PFDN1: variants seen among roughly 807,000 people sequenced by gnomAD.
PFDN1 encodes the protein prefoldin 1.
In PFDN1, 6 loss-of-function variants were observed where a neutral mutation model predicts 17.3. The observed-to-expected ratio is 0.35, with a 90% CI of 0.19 to 0.69. The LOEUF is 0.69. Among genes scored for constraint, PFDN1 ranks in the 30% least tolerant of loss-of-function variants. PFDN1 has a pLI of 0.65. For synonymous variants in PFDN1, 58 were observed against 50.1 expected (o/e 1.16, Z -0.67); for missense variants, 113 against 146.2 (o/e 0.77, Z 1.17).
At chr5:140,263,797 A>G (rs1441199304) in intron 3 of PFDN1, among the ~76,000 whole-genome samples, 2 of 151,718 alleles carry the variant, frequency 1.3e-5, no homozygotes, top group African/African-American at 4.9e-5. Context: ...TGAGGTGGGC[A>G]GATCACGAGG....
intron 3 of PFDN1, among the ~76,000 whole-genome samples, chr5:140,279,358 G>A (rs1765354923): frequency 6.6e-6 from 1 of 152,094 alleles, no homozygotes; most frequent in Admixed American, 6.5e-5. Flanking sequence ...CTTCCTAAAA[G>A]ATAAAACATT....
intron 3 of PFDN1, among the ~76,000 whole-genome samples, chr5:140,280,076 C>T (rs1765377460): frequency 6.6e-6 from 1 of 151,028 alleles, no homozygotes; most frequent in Admixed American, 6.6e-5. Flanking sequence ...CCCTACGTCC[C>T]ATCTAATTTC....
Position 140,254,839 on chromosome 5 carries a change from A to G in PFDN1, c.286-8782T>C, listed in dbSNP as rs571115867. On this transcript the variant is annotated intron_variant, in intron 3 of 3. Coordinates refer to ENST00000261813, the MANE Select transcript of PFDN1 (RefSeq NM_002622.5). This position sits in a 1 kb window ranked among gnomAD's most constrained non-coding sequence, Gnocchi z 4.4. Reference sequence around the variant, plus strand: ...TCCATGGGCTTTTCCCTTCCTACCCAGCTTTGCTTATATAGTCCATCATTT... The same window carrying G: ...TCCATGGGCTTTTCCCTTCCTACCCGGCTTTGCTTATATAGTCCATCATTT... Among the ~76,000 whole-genome samples, 15 of 152,212 alleles carry G rather than the reference A, an allele frequency of 9.9e-5. No homozygotes were observed. In the South Asian group the frequency reaches 2.9e-3, roughly 29 times the overall value.
In PFDN1 at chr5:140,281,492, A is replaced by G; in HGVS notation, c.242T>C (p.Leu81Ser). 4.4e-6 allele frequency: 7 copies of G among 1,596,648 alleles called. No homozygotes were observed. The highest frequency in any genetic ancestry group is 1.7e-4 in the Middle Eastern group (1 of 6,026). Residue 81 changes from leucine to serine, a missense_variant, in exon 3 of 4, where the codon TTA (leucine) becomes TCA (serine). Physicochemically the swap from Leu to Ser is moderately radical, Grantham distance 145. Coordinates refer to ENST00000261813, the MANE Select transcript of PFDN1 (RefSeq NM_002622.5). The stretch of plus-strand genomic sequence containing the variant: ...TTCTTCTGCTATTTTCTGCTTCTCT[A>G]ACAGCTGACTGTGAATTGCTTCCTT... Reference protein sequence around the residue: ...QSKEAIHSQLLEKQKIAEEKI... With the variant: ...QSKEAIHSQLSEKQKIAEEKI...
intron 3 of PFDN1, among the ~76,000 whole-genome samples, chr5:140,276,895 T>C (rs1337683975): frequency 6.7e-6 from 1 of 149,494 alleles, no homozygotes; most frequent in Non-Finnish European, 1.5e-5. Context: ...AGAAATCATA[T>C]CTTTAAAGGC....
intron 3 of PFDN1, among the ~76,000 whole-genome samples, chr5:140,257,537 C>A (rs1350335945): frequency 6.6e-6 from 1 of 152,204 alleles, no homozygotes; most frequent in African/African-American, 2.4e-5. Flanking sequence ...GAAAGCCCTT[C>A]CCCAATTATT....
At chr5:140,258,302 T>G (rs1765016365) in intron 3 of PFDN1, among the ~76,000 whole-genome samples, 1 of 152,094 alleles carries the variant, frequency 6.6e-6, no homozygotes, top group Non-Finnish European at 1.5e-5. Flanking sequence ...GCCCAGGATA[T>G]TGATCCCTCA....
rs568349129 is a variant in PFDN1 at position 140,264,273 on chromosome 5, G to C, written c.285+17176C>G. On this transcript the variant is annotated intron_variant, in intron 3 of 3. Coordinates refer to ENST00000261813, the MANE Select transcript of PFDN1 (RefSeq NM_002622.5). Reference sequence around the variant, plus strand: ...ACCAGACCCCACCTCCAACACTGGGGATCACATTTCAACATGAGATTTGGA... The same window carrying C: ...ACCAGACCCCACCTCCAACACTGGGCATCACATTTCAACATGAGATTTGGA... Among the ~76,000 whole-genome samples, 7 of 152,042 alleles carry C rather than the reference G, an allele frequency of 4.6e-5. No individual in the cohort carries two copies. In the East Asian group the frequency reaches 1.2e-3, roughly 25 times the overall value.
At chr5:140,272,502 G>C (rs1011116593) in intron 3 of PFDN1, among the ~76,000 whole-genome samples, 3 of 151,522 alleles carry the variant, frequency 2.0e-5, no homozygotes, top group African/African-American at 7.3e-5. Flanking sequence ...TAGGATTACA[G>C]GCGCCCACCA....
intron 3 of PFDN1, among the ~76,000 whole-genome samples, chr5:140,271,487 A>G (rs995657153): frequency 7.2e-5 from 11 of 152,204 alleles, no homozygotes; most frequent in Non-Finnish European, 1.2e-4. Flanking sequence ...TTCTAAGATA[A>G]AAATTTTAAA....
chr5:140,257,296 G>GC (rs2126680436), intron 3 of PFDN1, among the ~76,000 whole-genome samples: 1 of 151,086 alleles, frequency 6.6e-6, no homozygotes, highest in Non-Finnish European at 1.5e-5. Context: ...TAACCAAGGT[G>GC]CTCAGGCTCC....
chr5:140,297,852 G>C (rs373079045), intron 2 of PFDN1, among the ~76,000 whole-genome samples: 1 of 152,148 alleles, frequency 6.6e-6, no homozygotes, highest in African/African-American at 2.4e-5. Flanking sequence ...AGCCCAAAGG[G>C]AGTAAAACGT....
chr5:140,278,842 G>A (rs982159511), intron 3 of PFDN1, among the ~76,000 whole-genome samples: 2 of 152,134 alleles, frequency 1.3e-5, no homozygotes, highest in African/African-American at 4.8e-5. Flanking sequence ...ACATGTGGGG[G>A]TGTGCTGAAG....
chr5:140,264,017 TCTC>T (rs1765101394), intron 3 of PFDN1, among the ~76,000 whole-genome samples: 1 of 35,030 alleles, frequency 2.9e-5, no homozygotes, highest in African/African-American at 1.1e-4. Flanking sequence ...TGAGACTCCA[TCTC>T]AAAAAAAAAA....
chr5:140,254,178 C>G lies in PFDN1; in HGVS notation c.286-8121G>C, dbSNP rs577615267. Among the ~76,000 whole-genome samples the G allele has an allele frequency of 6.6e-6, 1 of 152,156 alleles. No individual in the cohort carries two copies. The highest frequency in any genetic ancestry group is 6.5e-5 in the Admixed American group (1 of 15,280). Reference sequence around the variant, plus strand: ...AATGGGTGTGGTGCAGATGAATGGGCACGGCTATGTTTCGAAAGCACAGAA... The same window carrying G: ...AATGGGTGTGGTGCAGATGAATGGGGACGGCTATGTTTCGAAAGCACAGAA... On this transcript the variant is annotated intron_variant, in intron 3 of 3. Transcript: ENST00000261813. This position sits in a 1 kb window ranked among gnomAD's most constrained non-coding sequence, Gnocchi z 4.4.
intron 3 of PFDN1, among the ~76,000 whole-genome samples, chr5:140,249,790 T>C (rs1053776118): frequency 1.3e-4 from 20 of 152,122 alleles, no homozygotes; most frequent in Admixed American, 5.2e-4. Context: ...CAACAGCCAG[T>C]CAGTGAAGAA....
intron 3 of PFDN1, chr5:140,273,704 G>A (rs1765246918): frequency 6.5e-6 from 1 of 153,948 alleles, no homozygotes. Context: ...TATTTCAACA[G>A]CCCTGGGATT....
Position 140,254,536 on chromosome 5 carries a change from C to T in PFDN1, c.286-8479G>A, listed in dbSNP as rs151305619. On this transcript the variant is annotated intron_variant, in intron 3 of 3. Coordinates refer to ENST00000261813, the MANE Select transcript of PFDN1 (RefSeq NM_002622.5). This position sits in a 1 kb window ranked among gnomAD's most constrained non-coding sequence, Gnocchi z 4.4. ...ATCATCAGTGGCTCCCTGTCTCCCT[C>T]TCCACCACAGCTGTACCATTCAAGG... Among the ~76,000 whole-genome samples, 317 of 152,302 alleles carry T rather than the reference C, an allele frequency of 2.1e-3. No homozygotes were observed. The highest frequency in any genetic ancestry group is 7.1e-3 in the African/African-American group (293 of 41,552).
At chr5:140,250,502 T>C (rs1049646215) in intron 3 of PFDN1, among the ~76,000 whole-genome samples, 4 of 152,186 alleles carry the variant, frequency 2.6e-5, no homozygotes, top group Non-Finnish European at 5.9e-5. Flanking sequence ...CCTTGACTCT[T>C]CTCCAGAGCT....
Sources: allele counts gnomAD v4.1 joint callset (sites outside exome capture counted in the v4.1 genomes callset), GRCh38; gene constraint gnomAD v4.1.1; non-coding constraint Gnocchi (gnomAD v3.1); transcripts MANE v1.5; gene names NCBI Gene and HGNC (gene_info 2026-07-23, HGNC 2026-07-21).